CLNK: variants seen among roughly 807,000 people sequenced by gnomAD.
CLNK encodes the protein cytokine dependent hematopoietic cell linker.
Under a neutral mutation model 68.6 loss-of-function variants are expected in CLNK, and 74 were observed. The ratio of observed to expected loss-of-function variants is 1.08; its 90% CI spans 0.89 to 1.31. CLNK has a LOEUF of 1.31. Ranked by LOEUF, CLNK falls within the 50% of genes most tolerant of loss-of-function variation. The pLI is 0.00. For synonymous variants in CLNK, 198 were observed against 172.2 expected (o/e 1.15, Z -1.17); for missense variants, 553 against 515.3 (o/e 1.07, Z -0.71).
In CLNK at chr4:10,490,272, C is replaced by T. The variant is rs1216263883; in HGVS notation, c.*195G>A. The T allele has an allele frequency of 6.6e-6, 3 of 452,434 alleles. No individual in the cohort carries two copies. The highest frequency in any genetic ancestry group is 4.1e-5 in the Admixed American group (1 of 24,442). The allele number at this position is 452,434 out of a possible 1,614,324, so 28.0% of individuals were successfully genotyped here. A position where few individuals can be genotyped will look rare whatever the true frequency, so the allele number is the denominator to read the frequency against. ...GTTACTAGAATGTTTTTATTTTTTG[C>T]ATGTTATAAATATTTTCTCTGTGGT... is the stretch of plus-strand genomic sequence containing the variant. On this transcript the variant is annotated 3_prime_UTR_variant, in exon 19 of 19. Transcript: ENST00000226951.
the CLNK span, among the ~76,000 whole-genome samples, chr4:10,722,961 A>G: frequency 6.6e-6 from 1 of 151,962 alleles, no homozygotes; most frequent in Admixed American, 6.6e-5. Flanking sequence ...GAGGCACAAT[A>G]ATTGCTTGAA....
intron 2 of CLNK, among the ~76,000 whole-genome samples, chr4:10,660,810 C>A (rs907409274): frequency 2.6e-5 from 4 of 152,356 alleles, no homozygotes; most frequent in South Asian, 2.1e-4. Flanking sequence ...GCTGCTCCTG[C>A]AAAAGTATCA....
chr4:10,494,509 T>C (rs534002181), intron 18 of CLNK, among the ~76,000 whole-genome samples: 7 of 151,220 alleles, frequency 4.6e-5, no homozygotes, highest in Admixed American at 4.6e-4. Context: ...CCAGGCTGGA[T>C]TGCAGTGGCA....
At chr4:10,674,560 A>T (rs944515854) in intron 1 of CLNK, among the ~76,000 whole-genome samples, 3 of 152,134 alleles carry the variant, frequency 2.0e-5, no homozygotes, top group African/African-American at 7.2e-5. Context: ...ATCCAAAATG[A>T]ACCCCAGTTT....
chr4:10,536,740 G>T (rs2108805383), intron 11 of CLNK, among the ~76,000 whole-genome samples: 1 of 152,176 alleles, frequency 6.6e-6, no homozygotes, highest in South Asian at 2.1e-4. Flanking sequence ...AGGTGTTTTG[G>T]TGAAGAGATC....
intron 11 of CLNK, among the ~76,000 whole-genome samples, 152 bp downstream of exon 11, chr4:10,540,342 A>AC (rs1329166772): frequency 2.0e-5 from 3 of 152,028 alleles, no homozygotes; most frequent in African/African-American, 7.3e-5. Context: ...TTTATAAATT[A>AC]CCCAGTCTTG....
Position 10,510,664 on chromosome 4 carries a change from T to A in CLNK, c.907-2628A>T, listed in dbSNP as rs201269991. On this transcript the variant is annotated intron_variant, in intron 16 of 18. Transcript: ENST00000226951. ...TCTGAGAAGAAGCATTTACAATCTA[T>A]TCTCTCTGAAGCCTGCTACCTGAAG... Among the ~76,000 whole-genome samples the A allele has an allele frequency of 7.2e-5, 11 of 152,300 alleles. No homozygotes were observed. The East Asian group carries it at 1.9e-3, about 27-fold the overall frequency.
chr4:10,507,057 G>A (rs1332607203), intron 17 of CLNK, among the ~76,000 whole-genome samples: 2 of 151,240 alleles, frequency 1.3e-5, no homozygotes, highest in Non-Finnish European at 1.5e-5. Flanking sequence ...CGCCTGCCTC[G>A]GCCTCCAAAA....
chr4:10,701,396 AG>A, the CLNK span, among the ~76,000 whole-genome samples: 1 of 152,216 alleles, frequency 6.6e-6, no homozygotes, highest in Non-Finnish European at 1.5e-5. Context: ...CACAGCTGAA[AG>A]CCAGCATTAT....
At chr4:10,661,782 C>T (rs1724199816) in intron 2 of CLNK, among the ~76,000 whole-genome samples, 1 of 152,128 alleles carries the variant, frequency 6.6e-6, no homozygotes, top group African/African-American at 2.4e-5. Context: ...GATGTCAATA[C>T]AAAGAGGAAT....
the CLNK span, among the ~76,000 whole-genome samples, chr4:10,711,258 G>A: frequency 6.6e-6 from 1 of 152,148 alleles, no homozygotes; most frequent in Admixed American, 6.5e-5. Flanking sequence ...AGACCTCTGA[G>A]GTCCTTTCTT....
chr4:10,606,938 G>A (rs756430106), intron 2 of CLNK, among the ~76,000 whole-genome samples: 12 of 152,124 alleles, frequency 7.9e-5, no homozygotes, highest in Non-Finnish European at 7.4e-5. Flanking sequence ...AGGTTGTTGC[G>A]GGTACTGCCC....
chr4:10,527,243 G>T (rs1187931999), intron 13 of CLNK, among the ~76,000 whole-genome samples: 1 of 152,216 alleles, frequency 6.6e-6, no homozygotes, highest in Non-Finnish European at 1.5e-5. Context: ...AAAGGGCATG[G>T]TTTCAGTTAG....
At chr4:10,608,457 T>A (rs1721870158) in intron 2 of CLNK, among the ~76,000 whole-genome samples, 1 of 152,332 alleles carries the variant, frequency 6.6e-6, no homozygotes, top group East Asian at 1.9e-4. Flanking sequence ...TCTAGGTGGA[T>A]GTAACATGTT....
At chr4:10,616,537 A>T (rs144144028) in intron 2 of CLNK, among the ~76,000 whole-genome samples, 5 of 152,290 alleles carry the variant, frequency 3.3e-5, no homozygotes, top group African/African-American at 1.2e-4. Context: ...TGTTTTACTC[A>T]TTAATACAAA....
chr4:10,545,491 T>C (rs1174478293), intron 8 of CLNK, among the ~76,000 whole-genome samples: 1 of 152,068 alleles, frequency 6.6e-6, no homozygotes, highest in African/African-American at 2.4e-5. Context: ...TATAGCTTGG[T>C]TGTGCTTAGT....
At chr4:10,604,047 T>C (rs1025013969) in intron 2 of CLNK, among the ~76,000 whole-genome samples, 5 of 152,198 alleles carry the variant, frequency 3.3e-5, no homozygotes, top group Admixed American at 6.5e-5. Context: ...TGGATATGAA[T>C]GCAGCTATGC....
intron 18 of CLNK, among the ~76,000 whole-genome samples, chr4:10,493,085 G>C (rs1220936230): frequency 6.6e-6 from 1 of 152,248 alleles, no homozygotes; most frequent in African/African-American, 2.4e-5. Context: ...GGGATGCCAA[G>C]GTGGGCAGAA....
intron 1 of CLNK, among the ~76,000 whole-genome samples, chr4:10,673,811 T>A (rs1174820173): frequency 6.6e-6 from 1 of 151,596 alleles, no homozygotes; most frequent in Non-Finnish European, 1.5e-5. Flanking sequence ...GCCTTGCAGG[T>A]CTTTCTCCAA....
Sources: gnomAD v4.1 joint callset for allele counts (sites outside exome capture counted in the v4.1 genomes callset) on GRCh38, gnomAD v4.1.1 for gene constraint, MANE v1.5 for transcripts, NCBI Gene and HGNC (gene_info 2026-07-23, HGNC 2026-07-21) for gene names.